The following CPS1 variants were observed in gnomAD, a reference collection of about 807,000 sequenced individuals.
CPS1 encodes carbamoyl-phosphate synthase [ammonia], mitochondrial.
CPS1 carries 109 observed loss-of-function variants against 174.6 expected under a neutral mutation model. The ratio of observed to expected loss-of-function variants is 0.62; its 90% CI spans 0.53 to 0.73. CPS1 has a LOEUF of 0.73. Ranked by LOEUF, CPS1 falls within the 30% of genes least tolerant of loss-of-function variation. The probability of loss-of-function intolerance (pLI) is 0.00; values close to 1 mark genes in which losing one functional copy is unlikely to be tolerated. For synonymous variants in CPS1, 637 were observed against 632.0 expected, an observed-to-expected ratio of 1.01 and a Z score of -0.12; for missense variants, 1,689 against 1,821.9, an observed-to-expected ratio of 0.93 and a Z score of 1.33.
At chr2:210,659,503 G>T (rs192008351) in intron 31 of CPS1, among the ~76,000 whole-genome samples, 1 of 152,010 alleles carries the variant, frequency 6.6e-6, no homozygotes, top group African/African-American at 2.4e-5. Context: ...TCCACCCCTC[G>T]GACCCAAACA....
At chr2:210,548,935 G>T (rs567449222) in intron 1 of CPS1, among the ~76,000 whole-genome samples, 5 of 152,016 alleles carry the variant, frequency 3.3e-5, no homozygotes, top group African/African-American at 4.8e-5. Flanking sequence ...ATCACATTCC[G>T]CTGAAAATAG....
At chr2:210,590,437 G>A (rs1017472046) in intron 8 of CPS1, among the ~76,000 whole-genome samples, 1 of 151,934 alleles carries the variant, frequency 6.6e-6, no homozygotes, top group Non-Finnish European at 1.5e-5. Flanking sequence ...TTTTCTTCAG[G>A]CAAAGTAACT....
chr2:210,539,783 C>G (rs527962908), intron 1 of CPS1, among the ~76,000 whole-genome samples: 13 of 152,228 alleles, frequency 8.5e-5, no homozygotes, highest in Non-Finnish European at 1.8e-4. Context: ...TATGATCTAC[C>G]TGCAGTGGTT....
rs570288170 is a variant in CPS1, at chr2:210,669,149, A to C, written c.4101+865A>C. Among the ~76,000 whole-genome samples, 5 of 152,322 alleles carry C rather than the reference A, an allele frequency of 3.3e-5. No homozygotes were observed. In the East Asian group the frequency reaches 9.6e-4, roughly 29 times the overall value. On this transcript the variant is annotated intron_variant, in intron 34 of 37. Transcript: ENST00000233072. ...TTTATGCAATAAAAAATGCACTGTC[A>C]ATTTATTGATGTAAGTTAAATATAA...
At chr2:210,657,118 G>A (rs1700735254) in intron 30 of CPS1, among the ~76,000 whole-genome samples, 1 of 152,114 alleles carries the variant, frequency 6.6e-6, no homozygotes, top group Non-Finnish European at 1.5e-5. Flanking sequence ...GGTGAAACAG[G>A]TGTGGACCAG....
At chr2:210,583,024 A>C (rs1246401163) in intron 6 of CPS1, among the ~76,000 whole-genome samples, 1 of 152,100 alleles carries the variant, frequency 6.6e-6, no homozygotes, top group African/African-American at 2.4e-5. Context: ...TGAATTGCCA[A>C]AGATAGGTCC....
chr2:210,664,443 G>T (rs886529096), intron 33 of CPS1, among the ~76,000 whole-genome samples: 1 of 151,732 alleles, frequency 6.6e-6, no homozygotes, highest in Admixed American at 6.6e-5. Context: ...GGGTTCAAGC[G>T]ATTCTCCTGC....
chr2:210,667,594 T>A (rs966027031), intron 33 of CPS1, among the ~76,000 whole-genome samples: 2 of 152,152 alleles, frequency 1.3e-5, no homozygotes, highest in African/African-American at 4.8e-5. Flanking sequence ...TAGCAGGATA[T>A]TTTGTTTCAC....
intron 1 of CPS1, among the ~76,000 whole-genome samples, chr2:210,506,717 C>G (rs1695298726): frequency 6.6e-6 from 1 of 152,162 alleles, no homozygotes; most frequent in Non-Finnish European, 1.5e-5. Context: ...GGCACGAGAA[C>G]TACGTGACGA....
At position 210,547,709 on chromosome 2, in the gene CPS1, T is replaced by C. The variant is rs565058700; in HGVS notation, c.4-9010T>C. Among the ~76,000 whole-genome samples the C allele has an allele frequency of 2.0e-5, 3 of 152,228 alleles. No individual in the cohort carries two copies. In the Middle Eastern group the frequency reaches 0.01, roughly 518 times the overall value. On this transcript the variant is annotated intron_variant, in intron 1 of 38. Transcript: ENST00000430249. The stretch of plus-strand genomic sequence containing the variant: ...ATCATATGGATAGAAAAGTAAAAGA[T>C]GTGTTTAATAAAATGTCTTTTACTT...
intron 33 of CPS1, among the ~76,000 whole-genome samples, chr2:210,667,386 T>C (rs1162856718): frequency 6.6e-6 from 1 of 152,156 alleles, no homozygotes; most frequent in Non-Finnish European, 1.5e-5. Context: ...CAAATGATGA[T>C]ATACATGGCA....
chr2:210,675,760 C>A lies in CPS1; in HGVS notation c.4194C>A (p.Leu1398=). 6.2e-7 allele frequency: 1 copy of A among 1,607,262 alleles called. No individual in the cohort carries two copies. The highest frequency in any genetic ancestry group is 8.5e-7 in the Non-Finnish European group (1 of 1,173,696). ...LFATEATSDW[L]NANNVPATPV... is the part of the protein sequence containing the mutation. ...CCACGGAAGCCACATCAGACTGGCT[C>A]AACGCCAACAATGTCCCTGCCACCC... Residue 1398 remains leucine (L), a synonymous_variant, in exon 36 of 38, where the codon CTC becomes CTA. Transcript: ENST00000233072.
intron 1 of CPS1, among the ~76,000 whole-genome samples, chr2:210,480,370 T>C (rs992114836): frequency 4.6e-5 from 7 of 152,212 alleles, no homozygotes; most frequent in African/African-American, 1.7e-4. Flanking sequence ...TGTGTTCAGC[T>C]ACAATGAAAG....
At chr2:210,649,498 G>C (rs919094594) in intron 27 of CPS1, among the ~76,000 whole-genome samples, 1 of 152,146 alleles carries the variant, frequency 6.6e-6, no homozygotes, top group Non-Finnish European at 1.5e-5. Flanking sequence ...ATTTGTAATA[G>C]GATAAACTGG....
At chr2:210,520,701 G>C (rs1226525248) in intron 1 of CPS1, among the ~76,000 whole-genome samples, 1 of 151,934 alleles carries the variant, frequency 6.6e-6, no homozygotes, top group Non-Finnish European at 1.5e-5. Context: ...ATACAGTATG[G>C]ATTATTTTTT....
chr2:210,533,824 G>C (rs2664231), intron 1 of CPS1, among the ~76,000 whole-genome samples: 61,009 of 151,930 alleles, frequency 0.4, 12,471 homozygotes, highest in Middle Eastern at 0.51. Flanking sequence ...GGCCTACCAG[G>C]GGGCATTAAT....
chr2:210,511,208 A>G (rs1695480361), intron 1 of CPS1, among the ~76,000 whole-genome samples: 1 of 152,232 alleles, frequency 6.6e-6, no homozygotes, highest in Non-Finnish European at 1.5e-5. Context: ...GCCTTAAAAA[A>G]TGATGAGTTC....
rs1701169845 is a variant in CPS1, at chr2:210,668,238, C to T, written c.4055C>T (p.Ser1352Phe). 6.2e-7 allele frequency: 1 copy of T among 1,613,696 alleles called. No homozygotes were observed. Among genetic ancestry groups the T allele is most frequent in the Non-Finnish European group, 8.5e-7 (1 of 1,179,922 alleles). The change falls in exon 34 of 38, where the codon TCC (serine) becomes TTC (phenylalanine). Residue 1352 changes from serine to phenylalanine, a missense_variant. Transcript: ENST00000233072. ...ACAGCCTTCCTAAAGGCAATGCTTT[C>T]CACAGGATTTAAGATACCCCAGAAA... ...IHTAFLKAMLSTGFKIPQKGI... is the reference protein window; with the variant it reads ...IHTAFLKAMLFTGFKIPQKGI...
chr2:210,524,823 T>C (rs1257216375), intron 1 of CPS1, among the ~76,000 whole-genome samples: 4 of 151,994 alleles, frequency 2.6e-5, no homozygotes, highest in Non-Finnish European at 5.9e-5. Flanking sequence ...CAAGGCTTTA[T>C]TTTTTGGCTG....
Sources: gnomAD v4.1 joint callset for allele counts (sites outside exome capture counted in the v4.1 genomes callset) on GRCh38, gnomAD v4.1.1 for gene constraint, MANE v1.5 for transcripts, NCBI Gene and HGNC (gene_info 2026-07-23, HGNC 2026-07-21) for gene names.